GTF2H1: variants seen among roughly 807,000 people sequenced by gnomAD.
The protein encoded by GTF2H1 is general transcription factor IIH subunit 1, also known as BTF2 p62.
Under a neutral mutation model 71.2 loss-of-function variants are expected in GTF2H1, and 16 were observed. The ratio of observed to expected loss-of-function variants is 0.22; its 90% confidence interval spans 0.15 to 0.34. GTF2H1 has a LOEUF of 0.34. Ranked by LOEUF, GTF2H1 falls within the 10% of genes least tolerant of loss-of-function variation. The probability of loss-of-function intolerance (pLI) is 1.00; values close to 1 mark genes in which losing one functional copy is unlikely to be tolerated. For missense variants in GTF2H1, 498 were observed against 648.2 expected, an observed-to-expected ratio of 0.77 and a Z score of 2.52; for synonymous variants, 215 against 219.0, an observed-to-expected ratio of 0.98 and a Z score of 0.16.
intron 1 of GTF2H1, among the ~76,000 whole-genome samples, chr11:18,327,049 C>T (rs1864784247): frequency 6.6e-6 from 1 of 151,918 alleles, no homozygotes; most frequent in African/African-American, 2.4e-5. Context: ...ATAATCCCAG[C>T]TACTTGGGAG....
At chr11:18,338,895 A>G (rs1052487214) in intron 4 of GTF2H1, among the ~76,000 whole-genome samples, 1 of 152,234 alleles carries the variant, frequency 6.6e-6, no homozygotes, top group African/African-American at 2.4e-5. Context: ...AGTTTGGACT[A>G]ATACTTACTT....
chr11:18,335,773 A>G lies in GTF2H1; in HGVS notation c.174A>G (p.Glu58=), dbSNP rs995568076. ...ADIKCQKISP[E]GKAKIQLQLV... Reference sequence around the variant, plus strand: ...TTTTAGGCCAGAAAATTAGTCCAGAAGGAAAAGCTAAAATTCAGCTTCAGC... The same window carrying G: ...TTTTAGGCCAGAAAATTAGTCCAGAGGGAAAAGCTAAAATTCAGCTTCAGC... The change falls in exon 3 of 15, where the codon GAA becomes GAG. Residue 58 remains glutamate (E), a synonymous_variant. Transcript: ENST00000265963. 2 of 1,613,700 alleles carry G rather than the reference A, an allele frequency of 1.2e-6. No homozygotes were observed. Among genetic ancestry groups the G allele is most frequent in the African/African-American group, 2.7e-5 (2 of 74,922 alleles).
intron 11 of GTF2H1, among the ~76,000 whole-genome samples, chr11:18,353,872 A>G (rs1185662604): frequency 6.6e-6 from 1 of 152,240 alleles, no homozygotes; most frequent in African/African-American, 2.4e-5. Flanking sequence ...ATTCTCTTAA[A>G]TAACAGTACA....
chr11:18,356,787 GTTTTTT>G (rs34873148), intron 11 of GTF2H1, among the ~76,000 whole-genome samples: 1 of 112,988 alleles, frequency 8.9e-6, no homozygotes, highest in African/African-American at 3.3e-5. Context: ...GTCAATCTTT[GTTTTTT>G]TTTTTTTTTT....
intron 10 of GTF2H1, 37 bp downstream of exon 10, chr11:18,352,006 A>G: frequency 9.7e-7 from 1 of 1,035,690 alleles, no homozygotes; most frequent in Non-Finnish European, 1.5e-6. Context: ...TAGCTATGTA[A>G]CAATTCAGTC....
chr11:18,341,668 C>A, intron 7 of GTF2H1, 61 bp downstream of exon 7: 1 of 1,061,250 alleles, frequency 9.4e-7, no homozygotes, highest in Non-Finnish European at 1.4e-6. Flanking sequence ...TCAACATTGT[C>A]TTAAGCGTAG....
chr11:18,361,463 T>G (rs1865696110), intron 14 of GTF2H1, among the ~76,000 whole-genome samples: 1 of 152,054 alleles, frequency 6.6e-6, no homozygotes, highest in Non-Finnish European at 1.5e-5. Flanking sequence ...GGTCAGGAGT[T>G]CCGAGACCAG....
chr11:18,327,929 C>A (rs1864803260), intron 1 of GTF2H1, among the ~76,000 whole-genome samples: 1 of 152,136 alleles, frequency 6.6e-6, no homozygotes, highest in South Asian at 2.1e-4. Context: ...ATGGGGCAGG[C>A]CGGGTGTAGT....
At chr11:18,362,112 A>G (rs909506303) in intron 14 of GTF2H1, among the ~76,000 whole-genome samples, 3 of 152,220 alleles carry the variant, frequency 2.0e-5, no homozygotes, top group Admixed American at 6.5e-5. Context: ...ATAGCCTACT[A>G]TACTTCTAGG....
intron 4 of GTF2H1, among the ~76,000 whole-genome samples, chr11:18,338,837 A>G (rs1865092676): frequency 1.3e-5 from 2 of 152,096 alleles, no homozygotes; most frequent in South Asian, 4.1e-4. Context: ...TTTGGACTTG[A>G]CCCTAGCATG....
rs1234154869 is a variant in GTF2H1, at chr11:18,338,281, GAGCCTTCT to G, written c.513+10_513+17del. Reference sequence around the variant, plus strand: ...CATTTCTGCTGCATTTCTGGTATGTGAGCCTTCTAGATTTCTGAAGAAAATAAAAATTC... The same window carrying G: ...CATTTCTGCTGCATTTCTGGTATGTGAGATTTCTGAAGAAAATAAAAATTC... On this transcript the variant is annotated splice_region_variant and intron_variant, in intron 4 of 14. Coordinates refer to ENST00000265963, the MANE Select transcript of GTF2H1 (RefSeq NM_005316.4). 2 of 1,584,814 alleles carry G rather than the reference GAGCCTTCT, an allele frequency of 1.3e-6. No homozygotes were observed. The highest frequency in any genetic ancestry group is 3.4e-5 in the Admixed American group (2 of 59,630).
At chr11:18,352,704 A>G (rs1865454285) in intron 11 of GTF2H1, among the ~76,000 whole-genome samples, 1 of 152,230 alleles carries the variant, frequency 6.6e-6, no homozygotes, top group African/African-American at 2.4e-5. Flanking sequence ...TTATTGGGAA[A>G]ATCTCCCAGG....
chr11:18,346,119 T>G (rs1218302428), intron 7 of GTF2H1, among the ~76,000 whole-genome samples: 1 of 152,214 alleles, frequency 6.6e-6, no homozygotes, highest in Non-Finnish European at 1.5e-5. Flanking sequence ...TTCTTTCACC[T>G]TTTTAGCCTC....
chr11:18,345,018 CT>C (rs11345271), intron 7 of GTF2H1, among the ~76,000 whole-genome samples: 105,634 of 147,076 alleles, frequency 0.72, 38,108 homozygotes, highest in East Asian at 0.97. Flanking sequence ...CATCTCTAAA[CT>C]TTTTTTTTTT....
chr11:18,337,975 C>T, intron 3 of GTF2H1, 134 bp from the exon 4 acceptor site: 1 of 582,304 alleles, frequency 1.7e-6, no homozygotes, highest in Non-Finnish European at 3.0e-6. Context: ...AACTGAAGGA[C>T]CTCTGCTGCT....
intron 9 of GTF2H1, among the ~76,000 whole-genome samples, chr11:18,350,515 G>A (rs1329357413): frequency 6.6e-6 from 1 of 152,248 alleles, no homozygotes; most frequent in East Asian, 1.9e-4. Flanking sequence ...ACCATAAAGG[G>A]ACTATTTAGA....
At chr11:18,327,182 A>G (rs1413474053) in intron 1 of GTF2H1, among the ~76,000 whole-genome samples, 1 of 152,080 alleles carries the variant, frequency 6.6e-6, no homozygotes, top group African/African-American at 2.4e-5. Flanking sequence ...CACCCCTAAC[A>G]CTTTCCTGGG....
intron 3 of GTF2H1, 73 bp downstream of exon 3, chr11:18,336,019 T>C: frequency 9.7e-7 from 1 of 1,029,080 alleles, no homozygotes; most frequent in Non-Finnish European, 1.4e-6. Flanking sequence ...TAATAGCTTG[T>C]TAGCTATCCC....
At chr11:18,351,602 G>T in intron 9 of GTF2H1, 1 of 220,554 alleles carries the variant, frequency 4.5e-6, no homozygotes, top group Non-Finnish European at 9.0e-6. Flanking sequence ...TCATTCATTT[G>T]GGGAAAAAAT....
Sources: allele counts gnomAD v4.1 joint callset (sites outside exome capture counted in the v4.1 genomes callset), GRCh38; gene constraint gnomAD v4.1.1; transcripts MANE v1.5; gene names NCBI Gene and HGNC (gene_info 2026-07-23, HGNC 2026-07-21).